Variants in ZNF318 observed in about 807,000 individuals in gnomAD.
ZNF318 encodes zinc finger protein 318.
In ZNF318, 51 loss-of-function variants were observed where a neutral mutation model predicts 124.2. That is an observed-to-expected ratio of 0.41 (90% CI 0.33 to 0.52). ZNF318 has a LOEUF of 0.52. Among genes scored for constraint, ZNF318 ranks in the 20% least tolerant of loss-of-function variants. The probability of loss-of-function intolerance (pLI) is 0.23; values close to 1 mark genes in which losing one functional copy is unlikely to be tolerated. For missense variants in ZNF318, 2,815 were observed against 2,811.2 expected, an observed-to-expected ratio of 1.00 and a Z score of -0.03; for synonymous variants, 1,090 against 1,040.7, an observed-to-expected ratio of 1.05 and a Z score of -0.91.
Position 43,369,013 on chromosome 6 carries a change from T to C in ZNF318, c.353A>G (p.Tyr118Cys), listed in dbSNP as rs1451146322. The part of the protein sequence containing the change: ...GSSRGESRAD[Y>C]ARDGRGDHPG... Reference sequence around the variant, plus strand: ...ATGGTCTCCGCGGCCGTCCCGGGCATAGTCGGCGCGGGACTCCCCCCGGCT... The same window carrying C: ...ATGGTCTCCGCGGCCGTCCCGGGCACAGTCGGCGCGGGACTCCCCCCGGCT... The change falls in exon 1 of 10, where the codon TAT (tyrosine) becomes TGT (cysteine). Residue 118 changes from tyrosine to cysteine, a missense_variant. Transcript: ENST00000361428. 23 of 1,435,008 alleles carry C rather than the reference T, an allele frequency of 1.6e-5. No homozygotes were observed. Among genetic ancestry groups the C allele is most frequent in the Non-Finnish European group, 2.0e-5 (22 of 1,092,592 alleles). 88.9% of individuals were successfully genotyped at this position (1,435,008 alleles called of 1,614,324 possible).
chr6:43,352,916 A>G (rs1779550080), intron 4 of ZNF318, among the ~76,000 whole-genome samples: 1 of 152,260 alleles, frequency 6.6e-6, no homozygotes, highest in Non-Finnish European at 1.5e-5. Context: ...TTTTATAGTC[A>G]GAAAACTGAA....
chr6:43,356,272 G>T, intron 3 of ZNF318, 127 bp from the exon 4 acceptor site: 2 of 992,286 alleles, frequency 2.0e-6, no homozygotes, highest in Non-Finnish European at 2.9e-6. Context: ...ATAAAAGGGA[G>T]GAAAAGTATC....
chr6:43,356,622 T>C (rs1004379186), intron 3 of ZNF318, among the ~76,000 whole-genome samples: 3 of 152,148 alleles, frequency 2.0e-5, no homozygotes, highest in African/African-American at 7.2e-5. Context: ...TGACCATCCT[T>C]TCACAGGTCA....
At chr6:43,361,295 T>C (rs1779679558) in intron 2 of ZNF318, among the ~76,000 whole-genome samples, 1 of 152,226 alleles carries the variant, frequency 6.6e-6, no homozygotes, top group Admixed American at 6.5e-5. Context: ...CTGGGCACAA[T>C]GGCTCACACC....
At chr6:43,353,262 G>A (rs1403735287) in intron 4 of ZNF318, among the ~76,000 whole-genome samples, 1 of 151,974 alleles carries the variant, frequency 6.6e-6, no homozygotes, top group Non-Finnish European at 1.5e-5. Context: ...TGAAGTTCAG[G>A]GTATTTAAGT....
In ZNF318 at chr6:43,353,168, G is replaced by A. The variant is rs541803205; in HGVS notation, c.2671-692C>T. On this transcript the variant is annotated intron_variant, in intron 4 of 9. Coordinates refer to ENST00000361428, the MANE Select transcript of ZNF318 (RefSeq NM_014345.3). ...TATAAAAGGAAAATAAAGAGGAAGTGTATGACCTCCAAACACTGTCTCTAA... is the reference window on the plus strand; with the variant it reads ...TATAAAAGGAAAATAAAGAGGAAGTATATGACCTCCAAACACTGTCTCTAA... Among the ~76,000 whole-genome samples the A allele has an allele frequency of 8.8e-4, 134 of 152,268 alleles. 1 individual carries two copies. The highest frequency in any genetic ancestry group is 3.0e-3 in the African/African-American group (124 of 41,556).
chr6:43,354,529 T>C, intron 4 of ZNF318, 135 bp downstream of exon 4: 1 of 758,476 alleles, frequency 1.3e-6, no homozygotes, highest in Non-Finnish European at 2.1e-6. Flanking sequence ...ATACACTTCT[T>C]AGGATGATGA....
chr6:43,369,419 G>A lies in ZNF318; in HGVS notation c.-54C>T. The A allele has an allele frequency of 2.6e-6, 3 of 1,158,188 alleles. No individual in the cohort carries two copies. Among genetic ancestry groups the A allele is most frequent in the Non-Finnish European group, 3.2e-6 (3 of 939,578 alleles). 71.7% of individuals were successfully genotyped at this position (1,158,188 alleles called of 1,614,324 possible). ...GCTCTGACCCGGGGGCGCCCTAGAC[G>A]CAGGCTCGGAGCGCGCCGCCGCAGC... is the stretch of plus-strand genomic sequence containing the variant. On this transcript the variant is annotated 5_prime_UTR_variant, in exon 1 of 10. Coordinates refer to ENST00000361428, the MANE Select transcript of ZNF318 (RefSeq NM_014345.3).
At chr6:43,367,225 T>C (rs1779773994) in intron 1 of ZNF318, among the ~76,000 whole-genome samples, 1 of 152,232 alleles carries the variant, frequency 6.6e-6, no homozygotes, top group African/African-American at 2.4e-5. Flanking sequence ...CTTCAACTTA[T>C]TATCCAACTC....
chr6:43,367,129 CG>C (rs1779772810), intron 1 of ZNF318, among the ~76,000 whole-genome samples: 1 of 152,196 alleles, frequency 6.6e-6, no homozygotes, highest in Non-Finnish European at 1.5e-5. Flanking sequence ...GGATTACAGG[CG>C]TGAGCCACCG....
In ZNF318 at chr6:43,343,984, T is replaced by G. The variant is rs77590559; in HGVS notation, c.3073-1105A>C. ...AACAAGGCACTCAGGAAATGAGAATTTTGGTTAATGTTCAGGAGTAAGGCA... is the reference window on the plus strand; with the variant it reads ...AACAAGGCACTCAGGAAATGAGAATGTTGGTTAATGTTCAGGAGTAAGGCA... On this transcript the variant is annotated intron_variant, in intron 6 of 9. Coordinates refer to ENST00000361428, the MANE Select transcript of ZNF318 (RefSeq NM_014345.3). 1.9e-3 allele frequency among the ~76,000 whole-genome samples: 295 copies of G among 152,176 alleles called. 2 individuals are homozygous for G. In the East Asian group the frequency reaches 0.021, roughly 11 times the overall value.
chr6:43,338,882 T>A lies in ZNF318; in HGVS notation c.5116A>T (p.Ser1706Cys). The change falls in exon 10 of 10, where the codon AGT becomes TGT. Residue 1706 changes from serine to cysteine, a missense_variant. Physicochemically the swap from Ser to Cys is moderately radical, Grantham distance 112 (BLOSUM62 -1). Around this residue, in one of 4 missense-constraint regions of ZNF318, gnomAD observed 927 missense variants for 820.6 expected, o/e 1.13. Transcript: ENST00000361428. ...LAIWTSSSFQ[S>C]DTSRDISPEK... The stretch of plus-strand genomic sequence containing the variant: ...GGAGATATATCCCTACTAGTGTCAC[T>A]CTGGAAGGAACTAGAGGTCCATATG... 6.2e-7 allele frequency: 1 copy of A among 1,614,156 alleles called. No individual in the cohort carries two copies. The highest frequency in any genetic ancestry group is 8.5e-7 in the Non-Finnish European group (1 of 1,180,040).
At chr6:43,341,024 C>A (rs770777915) in intron 8 of ZNF318, 116 bp from the exon 9 acceptor site, 23 of 738,064 alleles carry the variant, frequency 3.1e-5, no homozygotes, top group Non-Finnish European at 5.1e-5. Flanking sequence ...GAGGGCCTTA[C>A]CCACTTTGAA....
At chr6:43,358,721 C>A (rs940234086) in intron 2 of ZNF318, among the ~76,000 whole-genome samples, 2 of 151,782 alleles carry the variant, frequency 1.3e-5, no homozygotes, top group Non-Finnish European at 2.9e-5. Flanking sequence ...TGCTGGCTGA[C>A]TTTTTGCATT....
intron 2 of ZNF318, among the ~76,000 whole-genome samples, chr6:43,361,464 CTG>C (rs1258809213): frequency 1.3e-5 from 2 of 152,190 alleles, no homozygotes; most frequent in African/African-American, 4.8e-5. Flanking sequence ...ACTCTTTAGA[CTG>C]AGCTGGGAGG....
Position 43,339,998 on chromosome 6 carries a change from T to G in ZNF318, c.4000A>C (p.Ser1334Arg). Residue 1334 changes from serine (S) to arginine (R), a missense_variant, in exon 10 of 10, where the codon AGC becomes CGC. By Grantham distance (110) the Ser-to-Arg change is moderately radical (BLOSUM62 -1). Around this residue, in one of 4 missense-constraint regions of ZNF318, gnomAD observed 500 missense variants for 605.2 expected, o/e 0.83. Transcript: ENST00000361428. This position sits in a 1 kb window ranked among gnomAD's most constrained non-coding sequence, Gnocchi z 4.2. ...LSGKTVVAHT[S>R]PWMPVVTTST... ...GTTGTCACAACAGGCATCCAAGGGCTGGTATGTGCAACAACAGTTTTCCCA... is the reference window on the plus strand; with the variant it reads ...GTTGTCACAACAGGCATCCAAGGGCGGGTATGTGCAACAACAGTTTTCCCA... The G allele has an allele frequency of 6.2e-7, 1 of 1,614,224 alleles. No individual in the cohort carries two copies. Among genetic ancestry groups the G allele is most frequent in the African/African-American group, 1.3e-5 (1 of 75,060 alleles).
chr6:43,361,485 A>G (rs1779681688), intron 2 of ZNF318, among the ~76,000 whole-genome samples: 2 of 152,224 alleles, frequency 1.3e-5, no homozygotes, highest in East Asian at 3.8e-4. Flanking sequence ...GGACCACTTG[A>G]GCCCAGGAGT....
In ZNF318 at chr6:43,345,693, G is replaced by C. The variant is rs921551006; in HGVS notation, c.3072+2631C>G. Among the ~76,000 whole-genome samples the C allele has an allele frequency of 3.3e-5, 5 of 152,228 alleles. No homozygotes were observed. The East Asian group carries it at 7.7e-4, about 23-fold the overall frequency. On this transcript the variant is annotated intron_variant, in intron 6 of 9. Transcript: ENST00000361428. ...TCCTAGGAAGACATGGAAAAAAATAGAGCTTGGGTGATAACACAGAATATA... is the reference window on the plus strand; with the variant it reads ...TCCTAGGAAGACATGGAAAAAAATACAGCTTGGGTGATAACACAGAATATA...
At chr6:43,350,492 A>G (rs1368175604) in intron 5 of ZNF318, among the ~76,000 whole-genome samples, 1 of 152,208 alleles carries the variant, frequency 6.6e-6, no homozygotes, top group Middle Eastern at 3.2e-3. Context: ...TACAGTGGAA[A>G]GCCAACTAAT....
Sources: gnomAD v4.1 joint callset for allele counts (sites outside exome capture counted in the v4.1 genomes callset) on GRCh38, gnomAD v4.1.1 for gene constraint, gnomAD v4.1.1 regional missense constraint, Gnocchi (gnomAD v3.1) non-coding constraint, MANE v1.5 for transcripts, NCBI Gene and HGNC (gene_info 2026-07-23, HGNC 2026-07-21) for gene names.